RNGTT: variants seen among roughly 807,000 people sequenced by gnomAD.
The protein encoded by RNGTT is RNA guanylyltransferase and 5'-phosphatase.
In RNGTT, 33 loss-of-function variants were observed where a neutral mutation model predicts 79.3. That is an observed-to-expected ratio of 0.42 (90% CI 0.32 to 0.56). The LOEUF is 0.56. RNGTT is among the 20% of genes least tolerant of loss of function. The probability of loss-of-function intolerance (pLI) is 0.17; values close to 1 mark genes in which losing one functional copy is unlikely to be tolerated. For synonymous variants in RNGTT, 222 were observed against 235.9 expected, an observed-to-expected ratio of 0.94 and a Z score of 0.54; for missense variants, 497 against 739.1, an observed-to-expected ratio of 0.67 and a Z score of 3.80.
intron 13 of RNGTT, among the ~76,000 whole-genome samples, chr6:88,743,347 C>T (rs918979101): frequency 1.3e-5 from 2 of 152,104 alleles, no homozygotes; most frequent in Admixed American, 6.6e-5. Context: ...AATGTAGCAT[C>T]TTAACCACTT....
chr6:88,806,606 C>T (rs889922442), intron 11 of RNGTT, among the ~76,000 whole-genome samples: 4 of 152,104 alleles, frequency 2.6e-5, no homozygotes, highest in South Asian at 4.2e-4. Flanking sequence ...TGGGCCACCG[C>T]ACCCGGCCTG....
chr6:88,742,840 G>A (rs771090794), intron 13 of RNGTT, among the ~76,000 whole-genome samples: 35 of 152,224 alleles, frequency 2.3e-4, no homozygotes, highest in South Asian at 8.3e-4. Context: ...ATTATAGTTC[G>A]GAAGAAAAAT....
intron 1 of RNGTT, among the ~76,000 whole-genome samples, chr6:88,958,490 C>T (rs1444028204): frequency 6.6e-6 from 1 of 152,114 alleles, no homozygotes; most frequent in Non-Finnish European, 1.5e-5. Context: ...GAACTAATAT[C>T]CAGAATCTAC....
intron 14 of RNGTT, among the ~76,000 whole-genome samples, chr6:88,666,040 G>T (rs181920573): frequency 2.3e-4 from 35 of 152,276 alleles, no homozygotes; most frequent in African/African-American, 7.9e-4. Flanking sequence ...GCAGTTGAGA[G>T]AATTATTAGG....
intron 8 of RNGTT, among the ~76,000 whole-genome samples, chr6:88,878,762 G>T (rs2127925955): frequency 1.3e-5 from 2 of 152,230 alleles, no homozygotes; most frequent in Middle Eastern, 6.8e-3. Context: ...GAGCCAAAAA[G>T]AAATTTATAA....
At chr6:88,839,906 C>T (rs1781209139) in intron 11 of RNGTT, among the ~76,000 whole-genome samples, 1 of 152,098 alleles carries the variant, frequency 6.6e-6, no homozygotes, top group African/African-American at 2.4e-5. Context: ...ACAATTATCC[C>T]TTTATTGTGT....
chr6:88,753,124 A>T (rs1158970900), intron 13 of RNGTT, among the ~76,000 whole-genome samples: 2 of 152,176 alleles, frequency 1.3e-5, no homozygotes, highest in Non-Finnish European at 2.9e-5. Flanking sequence ...GTAATTATAT[A>T]TTTTTGCAAA....
intron 13 of RNGTT, among the ~76,000 whole-genome samples, chr6:88,744,140 T>A (rs931822357): frequency 1.3e-5 from 2 of 152,192 alleles, no homozygotes; most frequent in African/African-American, 4.8e-5. Context: ...GAGTTCATCA[T>A]CTCCTGACTA....
At chr6:88,951,933 G>C (rs2127964261) in intron 1 of RNGTT, among the ~76,000 whole-genome samples, 1 of 152,258 alleles carries the variant, frequency 6.6e-6, no homozygotes, top group Admixed American at 6.5e-5. Context: ...AGAATCCAGG[G>C]AATGAACGGG....
intron 14 of RNGTT, among the ~76,000 whole-genome samples, chr6:88,663,190 T>C (rs1019033686): frequency 1.3e-5 from 2 of 152,082 alleles, no homozygotes; most frequent in Non-Finnish European, 2.9e-5. Flanking sequence ...GAGGAAAATG[T>C]GTAAAATACA....
chr6:88,861,326 C>T (rs1220716835), intron 8 of RNGTT, among the ~76,000 whole-genome samples: 1 of 152,134 alleles, frequency 6.6e-6, no homozygotes, highest in South Asian at 2.1e-4. Context: ...ACCATGCCCC[C>T]TACTCACCAA....
At chr6:88,722,283 T>A (rs1232423963) in intron 13 of RNGTT, among the ~76,000 whole-genome samples, 1 of 151,968 alleles carries the variant, frequency 6.6e-6, no homozygotes, top group Non-Finnish European at 1.5e-5. Context: ...AACAAATATA[T>A]ACAAATTTTA....
intron 12 of RNGTT, among the ~76,000 whole-genome samples, chr6:88,773,376 C>T (rs1361160918): frequency 1.4e-5 from 2 of 146,710 alleles, no homozygotes; most frequent in Non-Finnish European, 3.0e-5. Context: ...TGCTAGATGA[C>T]GAGTTAGTGG....
chr6:88,720,498 A>ATTAGATGAG (rs1295315597), intron 13 of RNGTT, among the ~76,000 whole-genome samples: 3 of 151,948 alleles, frequency 2.0e-5, no homozygotes, highest in African/African-American at 7.2e-5. Context: ...TTCTCATCCA[A>ATTAGATGAG]ACCCTGGACT....
At chr6:88,616,731 T>A (rs867369961) in intron 14 of RNGTT, among the ~76,000 whole-genome samples, 29 of 152,336 alleles carry the variant, frequency 1.9e-4, no homozygotes, top group Middle Eastern at 3.4e-3. Context: ...TCAATTTTTT[T>A]AATTGGGTTG....
At chr6:88,641,156 T>C (rs183596844) in intron 14 of RNGTT, among the ~76,000 whole-genome samples, 1 of 152,084 alleles carries the variant, frequency 6.6e-6, no homozygotes, top group African/African-American at 2.4e-5. Context: ...GTGGCCAAGA[T>C]AGTGAAACCC....
At chr6:88,779,144 T>A (rs1214893804) in intron 12 of RNGTT, among the ~76,000 whole-genome samples, 1 of 151,910 alleles carries the variant, frequency 6.6e-6, no homozygotes, top group Non-Finnish European at 1.5e-5. Context: ...TAGTAAAGGG[T>A]CAAAAAAAGT....
chr6:88,901,742 C>T (rs560436562), intron 6 of RNGTT, among the ~76,000 whole-genome samples: 5 of 152,078 alleles, frequency 3.3e-5, no homozygotes, highest in African/African-American at 1.2e-4. Flanking sequence ...CTCCTGACCT[C>T]GTGATTCGCC....
intron 10 of RNGTT, among the ~76,000 whole-genome samples, chr6:88,847,936 A>G (rs1781539107): frequency 6.6e-6 from 1 of 151,974 alleles, no homozygotes; most frequent in Non-Finnish European, 1.5e-5. Context: ...TTAAGTTACA[A>G]AAGAAAAATA....
Sources: allele counts gnomAD v4.1 joint callset (sites outside exome capture counted in the v4.1 genomes callset), GRCh38; gene constraint gnomAD v4.1.1; transcripts MANE v1.5; gene names NCBI Gene and HGNC (gene_info 2026-07-23, HGNC 2026-07-21).